The following ANGPT2 variants were observed in gnomAD, a reference collection of about 807,000 sequenced individuals.
The protein encoded by ANGPT2 is angiopoietin 2, also known as angiopoietin-2.
Under a neutral mutation model 62.9 loss-of-function variants are expected in ANGPT2, and 28 were observed. That is an observed-to-expected ratio of 0.44 (90% CI 0.33 to 0.61). ANGPT2 has a LOEUF of 0.61. ANGPT2 is among the 20% of genes least tolerant of loss of function. The pLI is 0.03. For synonymous variants in ANGPT2, 284 were observed against 207.8 expected (o/e 1.37, Z -3.15); for missense variants, 727 against 594.9 (o/e 1.22, Z -2.31).
intron 1 of ANGPT2, among the ~76,000 whole-genome samples, chr8:6,544,347 GT>G (rs1404679862): frequency 6.6e-6 from 1 of 152,094 alleles, no homozygotes; most frequent in Non-Finnish European, 1.5e-5. Context: ...GATGATTATA[GT>G]TTGACTGTGC....
chr8:6,536,892 C>G lies in ANGPT2; in HGVS notation c.289-4405G>C, dbSNP rs533120276. ...TTAGTGTCTCTCTTATTTTTACTGG[C>G]TGTGACTGAAACCCAGAAATATAGA... On this transcript the variant is annotated intron_variant, in intron 1 of 8. Coordinates refer to ENST00000629816, the MANE Select transcript of ANGPT2 (RefSeq NM_001118887.2). 5.3e-5 allele frequency among the ~76,000 whole-genome samples: 8 copies of G among 150,820 alleles called. No individual in the cohort carries two copies. In the South Asian group the frequency reaches 1.7e-3, roughly 32 times the overall value.
intron 3 of ANGPT2, among the ~76,000 whole-genome samples, chr8:6,526,226 C>T (rs961153625): frequency 1.7e-4 from 24 of 145,108 alleles, no homozygotes; most frequent in African/African-American, 5.9e-4. Context: ...TTGAGACCAG[C>T]CTGGGCAATA....
At chr8:6,508,003 A>G (rs1351859289) in intron 8 of ANGPT2, 1 of 152,180 alleles carries the variant, frequency 6.6e-6, no homozygotes, top group Non-Finnish European at 1.5e-5. Flanking sequence ...TGTGGTTTTC[A>G]TTGTCTGTTT....
intron 8 of ANGPT2, among the ~76,000 whole-genome samples, chr8:6,505,381 CTTTCTATATGT>C (rs1563306649): frequency 6.5e-4 from 33 of 50,940 alleles, no homozygotes; most frequent in African/African-American, 2.1e-3. Flanking sequence ...TATATATATT[CTTTCTATATGT>C]ATATAGAATA....
chr8:6,529,882 G>GTT (rs3045055), intron 2 of ANGPT2, among the ~76,000 whole-genome samples: 72,521 of 148,512 alleles, frequency 0.49, 18,682 homozygotes, highest in Non-Finnish European at 0.58. Flanking sequence ...CACAATAGGC[G>GTT]TTTTTTTTTT....
At position 6,502,752 on chromosome 8, in the gene ANGPT2, A is replaced by T. The variant is rs1329684688; in HGVS notation, c.*349T>A. The T allele has an allele frequency of 1.0e-5, 3 of 290,732 alleles. No homozygotes were observed. The highest frequency in any genetic ancestry group is 2.0e-5 in the Non-Finnish European group (3 of 152,694). 18.0% of individuals were successfully genotyped at this position (290,732 alleles called of 1,614,324 possible). ...AAGATGATCTGTATTGTATAACATA[A>T]GTGTTCTGTTTTCCAGTTATTTACT... On this transcript the variant is annotated 3_prime_UTR_variant, in exon 9 of 9. Coordinates refer to ENST00000629816, the MANE Select transcript of ANGPT2 (RefSeq NM_001118887.2).
chr8:6,523,109 T>C (rs1377179482), intron 3 of ANGPT2, among the ~76,000 whole-genome samples: 1 of 152,034 alleles, frequency 6.6e-6, no homozygotes, highest in Non-Finnish European at 1.5e-5. Flanking sequence ...GCTATTCTCC[T>C]GCCTCAGTCT....
At chr8:6,507,895 T>C (rs1814106856) in intron 8 of ANGPT2, 1 of 152,132 alleles carries the variant, frequency 6.6e-6, no homozygotes, top group African/African-American at 2.4e-5. Flanking sequence ...AAAAATAACA[T>C]TTTCTAAAAC....
intron 6 of ANGPT2, 92 bp downstream of exon 6, chr8:6,514,585 T>A (rs1815863600): frequency 9.2e-7 from 1 of 1,082,294 alleles, no homozygotes; most frequent in Non-Finnish European, 1.4e-6. Flanking sequence ...AGTCATTGGT[T>A]AGTTTGGGAT....
At position 6,503,266 on chromosome 8, in the gene ANGPT2, G is replaced by A; in HGVS notation, c.1328-5C>T. The stretch of plus-strand genomic sequence containing the variant: ...CACATGCATCAAACCACCAGCCTGT[G>A]AAAGTAAAACACAGAAGGAATTAGG... On this transcript the variant is annotated splice_region_variant and splice_polypyrimidine_tract_variant and intron_variant, in intron 8 of 8. Transcript: ENST00000629816. 1 of 1,614,072 alleles carries A rather than the reference G, an allele frequency of 6.2e-7. No individual in the cohort carries two copies. The highest frequency in any genetic ancestry group is 8.5e-7 in the Non-Finnish European group (1 of 1,179,994).
intron 1 of ANGPT2, among the ~76,000 whole-genome samples, chr8:6,546,451 C>G (rs765321888): frequency 1.3e-5 from 2 of 152,144 alleles, no homozygotes; most frequent in Non-Finnish European, 2.9e-5. Context: ...CAATTTGATT[C>G]CAAAGTTTGA....
chr8:6,500,355 A>G lies in ANGPT2; in HGVS notation c.*2746T>C, dbSNP rs1357824544. 1.2e-5 allele frequency: 2 copies of G among 162,804 alleles called. No individual in the cohort carries two copies. Among genetic ancestry groups the G allele is most frequent in the Admixed American group, 6.0e-5 (1 of 16,656 alleles). 10.1% of individuals were successfully genotyped at this position (162,804 alleles called of 1,614,324 possible). On this transcript the variant is annotated 3_prime_UTR_variant, in exon 9 of 9. Transcript: ENST00000629816. ...TTTCCTAAATTCCACTTCAACTTTC[A>G]AATGCTTCATTGAAAAGTTCTGGGT...
intron 1 of ANGPT2, among the ~76,000 whole-genome samples, chr8:6,557,688 TACACACACACAC>T (rs112788253): frequency 1.3e-5 from 2 of 148,692 alleles, no homozygotes; most frequent in African/African-American, 2.5e-5. Flanking sequence ...TATGTGTGTG[TACACACACACAC>T]ACACACACAC....
intron 1 of ANGPT2, among the ~76,000 whole-genome samples, chr8:6,550,937 C>CCTCT (rs532474941): frequency 6.6e-6 from 1 of 152,172 alleles, no homozygotes; most frequent in African/African-American, 2.4e-5. Flanking sequence ...GGAAGGAGTG[C>CCTCT]CTCTCTCTGT....
chr8:6,547,388 C>T (rs1308848153), intron 1 of ANGPT2, among the ~76,000 whole-genome samples: 3 of 152,048 alleles, frequency 2.0e-5, no homozygotes, highest in African/African-American at 7.2e-5. Flanking sequence ...GTGTCTCTTG[C>T]AATGGAAGCT....
At chr8:6,512,238 G>T (rs937359243) in intron 7 of ANGPT2, among the ~76,000 whole-genome samples, 1 of 152,178 alleles carries the variant, frequency 6.6e-6, no homozygotes, top group Non-Finnish European at 1.5e-5. Context: ...ACTGGGCATT[G>T]TAGAGTTTTC....
At chr8:6,532,621 C>A (rs1212347474) in intron 1 of ANGPT2, 134 bp from the exon 2 acceptor site, 1 of 679,602 alleles carries the variant, frequency 1.5e-6, no homozygotes, top group African/African-American at 1.9e-5. Flanking sequence ...CCTTGCCTTC[C>A]TTTTGGAATC....
At chr8:6,530,096 T>C (rs938916427) in intron 2 of ANGPT2, among the ~76,000 whole-genome samples, 1 of 152,210 alleles carries the variant, frequency 6.6e-6, no homozygotes, top group African/African-American at 2.4e-5. Context: ...TTAAAAATGC[T>C]TATGAGACAT....
intron 7 of ANGPT2, among the ~76,000 whole-genome samples, chr8:6,512,637 T>G (rs1815388855): frequency 6.6e-6 from 1 of 152,122 alleles, no homozygotes; most frequent in Admixed American, 6.5e-5. Flanking sequence ...TCTATGTGCC[T>G]TGTGTACCAG....
Sources: gnomAD v4.1 joint callset for allele counts (sites outside exome capture counted in the v4.1 genomes callset) on GRCh38, gnomAD v4.1.1 for gene constraint, MANE v1.5 for transcripts, NCBI Gene and HGNC (gene_info 2026-07-23, HGNC 2026-07-21) for gene names.